ZP1: variants seen among roughly 807,000 people sequenced by gnomAD.
The protein encoded by ZP1 is zona pellucida glycoprotein 1.
In ZP1, 58 loss-of-function variants were observed where a neutral mutation model predicts 67.4. The ratio of observed to expected loss-of-function variants is 0.86; its 90% CI spans 0.70 to 1.07. ZP1 has a LOEUF of 1.07. Ranked by LOEUF, ZP1 falls within the 50% of genes least tolerant of loss-of-function variation. The pLI is 0.00. For missense variants in ZP1, 759 were observed against 807.3 expected (o/e 0.94, Z 0.72); for synonymous variants, 333 against 332.7 (o/e 1.00, Z -0.01).
intron 1 of ZP1, among the ~76,000 whole-genome samples, chr11:60,868,862 G>T (rs1383400906): frequency 6.6e-6 from 1 of 152,220 alleles, no homozygotes; most frequent in Non-Finnish European, 1.5e-5. Flanking sequence ...CTGAGACCCT[G>T]TGTATCCCTT....
intron 1 of ZP1, among the ~76,000 whole-genome samples, chr11:60,868,887 C>A (rs920712093): frequency 2.0e-5 from 3 of 152,238 alleles, no homozygotes; most frequent in Non-Finnish European, 4.4e-5. Context: ...ACCTCATCTT[C>A]GTGCCTGCCT....
At position 60,869,874 on chromosome 11, in the gene ZP1, G is replaced by T. The variant is rs1032105467; in HGVS notation, c.656G>T (p.Trp219Leu). 6.3e-7 allele frequency: 1 copy of T among 1,575,264 alleles called. No homozygotes were observed. Among genetic ancestry groups the T allele is most frequent in the African/African-American group, 1.3e-5 (1 of 74,286 alleles). ...AQPHWGTLEH[W>L]DVNKRDYIGT... ...CCCCACTGGGGCACCTTGGAACACT[G>T]GGATGTGAACAAACGAGATTACATA... Residue 219 changes from tryptophan to leucine, a missense_variant, in exon 3 of 12, where the codon TGG (tryptophan) becomes TTG (leucine). Transcript: ENST00000278853.
Position 60,869,129 on chromosome 11 carries a change from C to T in ZP1, c.197-16C>T. ...ACCCTTCAACATCCCTGGCCCCTCC[C>T]CTTCCCCCACTGCAGATGAATTTGG... is the stretch of plus-strand genomic sequence containing the variant. On this transcript the variant is annotated splice_polypyrimidine_tract_variant and intron_variant, in intron 1 of 11. Transcript: ENST00000278853. The T allele has an allele frequency of 6.2e-7, 1 of 1,614,160 alleles. No individual in the cohort carries two copies. Among genetic ancestry groups the T allele is most frequent in the South Asian group, 1.1e-5 (1 of 91,080 alleles).
In ZP1 at chr11:60,873,221, T is replaced by C. The variant is rs770988287; in HGVS notation, c.1172T>C (p.Phe391Ser). 16 of 1,607,758 alleles carry C rather than the reference T, an allele frequency of 1.0e-5. No individual in the cohort carries two copies. In the South Asian group the frequency reaches 1.3e-4, roughly 13 times the overall value. ...TTCCTGCCCATTCAGGCATCCATTT[T>C]CCCACCCCCATCGCCTGCTCCTATG... ...SDFLPIQASI[F>S]PPPSPAPMTQ... The change falls in exon 7 of 12, where the codon TTC becomes TCC. Residue 391 changes from phenylalanine to serine, a missense_variant. Transcript: ENST00000278853.
chr11:60,874,086 A>C (rs953470388), intron 9 of ZP1, among the ~76,000 whole-genome samples: 1 of 152,146 alleles, frequency 6.6e-6, no homozygotes, highest in Non-Finnish European at 1.5e-5. Flanking sequence ...TAATTCTTTG[A>C]ATTTTCTTTA....
chr11:60,874,030 T>C (rs971988688), intron 9 of ZP1, among the ~76,000 whole-genome samples: 2 of 152,190 alleles, frequency 1.3e-5, no homozygotes, highest in African/African-American at 4.8e-5. Context: ...TGTTCTAGGG[T>C]GGCCTCACCT....
chr11:60,870,692 C>T (rs1855550458), intron 4 of ZP1: 1 of 683,484 alleles, frequency 1.5e-6, no homozygotes, highest in East Asian at 2.8e-5. Flanking sequence ...CTACCTTACA[C>T]ACATCTGGAC....
chr11:60,870,270 A>G (rs909636036), intron 3 of ZP1, 62 bp from the exon 4 acceptor site: 3 of 1,423,960 alleles, frequency 2.1e-6, no homozygotes, highest in Non-Finnish European at 2.8e-6. Flanking sequence ...CCAAGATTCA[A>G]TTCCAGGGCC....
At position 60,870,713 on chromosome 11, in the gene ZP1, G is replaced by C. The variant is rs147170276; in HGVS notation, c.826+238G>C. 4.6e-4 allele frequency: 311 copies of C among 669,470 alleles called. 4 individuals are homozygous for C. The African/African-American group carries it at 5.2e-3, about 11-fold the overall frequency. 41.5% of individuals were successfully genotyped at this position (669,470 alleles called of 1,614,324 possible). The stretch of plus-strand genomic sequence containing the variant: ...TACACACATCTGGACTTTCAGATCT[G>C]AAACGCCCTGGTTTGGATGACAGAT... On this transcript the variant is annotated intron_variant, in intron 4 of 11. Coordinates refer to ENST00000278853, the MANE Select transcript of ZP1 (RefSeq NM_207341.4).
chr11:60,875,329 C>A, intron 11 of ZP1, 81 bp downstream of exon 11: 1 of 1,544,726 alleles, frequency 6.5e-7, no homozygotes, highest in South Asian at 1.2e-5. Flanking sequence ...AGGGATGCTC[C>A]AGCCATAGCT....
intron 6 of ZP1, among the ~76,000 whole-genome samples, chr11:60,872,556 CTG>C (rs1424672659): frequency 6.6e-6 from 1 of 152,184 alleles, no homozygotes; most frequent in Non-Finnish European, 1.5e-5. Flanking sequence ...ATGCTAGACA[CTG>C]TGGCCTTTAG....
At chr11:60,874,016 A>C (rs1313989861) in intron 9 of ZP1, among the ~76,000 whole-genome samples, 1 of 152,218 alleles carries the variant, frequency 6.6e-6, no homozygotes, top group Non-Finnish European at 1.5e-5. Context: ...AACTCTGGTC[A>C]TGGTGTTCTA....
intron 4 of ZP1, chr11:60,870,702 C>G (rs971028129): frequency 4.9e-5 from 33 of 675,870 alleles, no homozygotes; most frequent in Non-Finnish European, 1.9e-5. Context: ...CACATCTGGA[C>G]TTTCAGATCT....
rs1233353563 is a variant in ZP1 at position 60,872,629 on chromosome 11, TCTCA to T, written c.1113-528_1113-525del. Among the ~76,000 whole-genome samples the T allele has an allele frequency of 3.3e-5, 5 of 152,196 alleles. No individual in the cohort carries two copies. The East Asian group carries it at 9.6e-4, about 29-fold the overall frequency. ...AAGACACAGGTGCATTATCTTGTGA[TCTCA>T]CTCAGTCTCAGTGCCCTCAAAGGGA... is the stretch of plus-strand genomic sequence containing the variant. On this transcript the variant is annotated intron_variant, in intron 6 of 11. Transcript: ENST00000278853.
rs771448632 is a variant in ZP1 at position 60,871,069 on chromosome 11, C to T, written c.939C>T (p.Ser313=). The part of the protein sequence containing the change: ...ANIHLAYAPT[S]CSPTQHTEAF... Reference sequence around the variant, plus strand: ...TCCACCTGGCCTATGCCCCCACCAGCTGCTCCCCAACACAGCACACGGAAG... The same window carrying T: ...TCCACCTGGCCTATGCCCCCACCAGTTGCTCCCCAACACAGCACACGGAAG... Residue 313 remains serine (S), a synonymous_variant, in exon 5 of 12, where the codon AGC becomes AGT. Transcript: ENST00000278853. 1.2e-6 allele frequency: 2 copies of T among 1,614,242 alleles called. No individual in the cohort carries two copies. Among genetic ancestry groups the T allele is most frequent in the East Asian group, 4.5e-5 (2 of 44,894 alleles).
chr11:60,870,608 G>A lies in ZP1; in HGVS notation c.826+133G>A, dbSNP rs1268146121. The A allele has an allele frequency of 1.0e-5, 13 of 1,267,102 alleles. No individual in the cohort carries two copies. In the East Asian group the frequency reaches 2.9e-4, roughly 28 times the overall value. 78.5% of individuals were successfully genotyped at this position (1,267,102 alleles called of 1,614,324 possible). A position where few individuals can be genotyped will look rare whatever the true frequency, so the allele number is the denominator to read the frequency against. On this transcript the variant is annotated intron_variant, in intron 4 of 11. Transcript: ENST00000278853. ...CCCAACTCCCAGAGCAGATGGCAGA[G>A]GAGACCTTTAGATGGGGCGGTCACA...
At position 60,873,156 on chromosome 11, in the gene ZP1, C is replaced by T; in HGVS notation, c.1113-6C>T. 1 of 1,561,718 alleles carries T rather than the reference C, an allele frequency of 6.4e-7. No individual in the cohort carries two copies. On this transcript the variant is annotated splice_region_variant and splice_polypyrimidine_tract_variant and intron_variant, in intron 6 of 11. Coordinates refer to ENST00000278853, the MANE Select transcript of ZP1 (RefSeq NM_207341.4). ...TCTCCCCCACCCTCTTGCACGTGGA[C>T]TTCAGGCTTCATGTGCGCTGTGTCT...
Position 60,869,367 on chromosome 11 carries a change from T to C in ZP1, c.318+101T>C. The C allele has an allele frequency of 3.9e-6, 6 of 1,545,458 alleles. No homozygotes were observed. The South Asian group carries it at 7.5e-5, about 19-fold the overall frequency. On this transcript the variant is annotated intron_variant, in intron 2 of 11. Transcript: ENST00000278853. Reference sequence around the variant, plus strand: ...ACCAGAAAGGAGCCAAAGCCGAAGATCTGTTGAGCTGGTGGGTGAGGGAAA... The same window carrying C: ...ACCAGAAAGGAGCCAAAGCCGAAGACCTGTTGAGCTGGTGGGTGAGGGAAA...
Position 60,867,565 on chromosome 11 carries a change from G to A in ZP1, c.4G>A (p.Ala2Thr). ...GGGGGTGTGTCTGTGGCGTCTCATG[G>A]CAGGAGGCTCAGCCACGACCTGGGG... M[A>T]GGSATTWGYP... Residue 2 changes from alanine to threonine, a missense_variant, in exon 1 of 12, where the codon GCA becomes ACA. Coordinates refer to ENST00000278853, the MANE Select transcript of ZP1 (RefSeq NM_207341.4). 6.2e-7 allele frequency: 1 copy of A among 1,607,588 alleles called. No homozygotes were observed. Among genetic ancestry groups the A allele is most frequent in the Non-Finnish European group, 8.5e-7 (1 of 1,176,100 alleles).
Sources: gnomAD v4.1 joint callset for allele counts (sites outside exome capture counted in the v4.1 genomes callset) on GRCh38, gnomAD v4.1.1 for gene constraint, MANE v1.5 for transcripts, NCBI Gene and HGNC (gene_info 2026-07-23, HGNC 2026-07-21) for gene names.